UGP2: variants seen among roughly 807,000 people sequenced by gnomAD.
UGP2 encodes the protein UDP-glucose pyrophosphorylase 2, also known as UTP--glucose-1-phosphate uridylyltransferase.
Under a neutral mutation model 49.0 loss-of-function variants are expected in UGP2, and 40 were observed. The ratio of observed to expected loss-of-function variants is 0.82; its 90% CI spans 0.63 to 1.06. The LOEUF is 1.06. Ranked by LOEUF, UGP2 falls within the 50% of genes least tolerant of loss-of-function variation. The probability of loss-of-function intolerance (pLI) is 0.00; values close to 1 mark genes in which losing one functional copy is unlikely to be tolerated. For missense variants in UGP2, 460 were observed against 603.5 expected, an observed-to-expected ratio of 0.76 and a Z score of 2.49; for synonymous variants, 225 against 213.0, an observed-to-expected ratio of 1.06 and a Z score of -0.49.
intron 3 of UGP2, among the ~76,000 whole-genome samples, chr2:63,863,830 C>T (rs1670006904): frequency 6.6e-6 from 1 of 152,086 alleles, no homozygotes. Context: ...TGAGAAGAAA[C>T]TTGGATGTGC....
chr2:63,845,363 A>G (rs1419875072), intron 1 of UGP2, among the ~76,000 whole-genome samples: 1 of 152,350 alleles, frequency 6.6e-6, no homozygotes, highest in African/African-American at 2.4e-5. Flanking sequence ...AGTCAATTTT[A>G]CTTTTCTTTC....
At position 63,884,058 on chromosome 2, in the gene UGP2, T is replaced by G; in HGVS notation, c.540T>G (p.His180Gln). ...DTKKILQKYN[H>Q]CRVKIYTFNQ... ...AAAAAATACTACAGAAGTACAATCATTGTCGTGTGAAAATCTACACTTTCA... is the reference window on the plus strand; with the variant it reads ...AAAAAATACTACAGAAGTACAATCAGTGTCGTGTGAAAATCTACACTTTCA... The change falls in exon 5 of 10, where the codon CAT (histidine) becomes CAG (glutamine). Residue 180 changes from histidine to glutamine, a missense_variant. Around this residue, in one of 2 missense-constraint regions of UGP2, gnomAD observed 317 missense variants for 473.0 expected, o/e 0.67. Coordinates refer to ENST00000337130, the MANE Select transcript of UGP2 (RefSeq NM_006759.4). 6.2e-7 allele frequency: 1 copy of G among 1,612,934 alleles called. No homozygotes were observed. The highest frequency in any genetic ancestry group is 8.5e-7 in the Non-Finnish European group (1 of 1,179,772).
At chr2:63,856,909 A>G (rs114144950) in intron 2 of UGP2, 359 of 433,910 alleles carry the variant, frequency 8.3e-4, no homozygotes, top group African/African-American at 7.0e-3. Flanking sequence ...TTATATTTCA[A>G]TTTATACTTA....
At chr2:63,861,270 G>C (rs958862448) in intron 3 of UGP2, among the ~76,000 whole-genome samples, 2 of 151,568 alleles carry the variant, frequency 1.3e-5, no homozygotes, top group Admixed American at 1.3e-4. Context: ...GGTTATGAGA[G>C]TGTCTTGGTC....
chr2:63,890,117 G>A lies in UGP2; in HGVS notation c.1351G>A (p.Asp451Asn), dbSNP rs1671986917. ...TCTAAGAAGATTTGAAAGTATACCA[G>A]ATATGCTTGAATTGGATCACCTCAC... Reference protein sequence around the residue: ...DYLRRFESIPDMLELDHLTVS... With the variant: ...DYLRRFESIPNMLELDHLTVS... Residue 451 changes from aspartate to asparagine, a missense_variant, in exon 9 of 10, where the codon GAT (aspartate) becomes AAT (asparagine). Asp to Asn is a conservative substitution (Grantham distance 23). Coordinates refer to ENST00000337130, the MANE Select transcript of UGP2 (RefSeq NM_006759.4). The A allele has an allele frequency of 6.2e-7, 1 of 1,611,932 alleles. No individual in the cohort carries two copies.
intron 1 of UGP2, 183 bp downstream of exon 1, chr2:63,842,387 A>T: frequency 4.4e-6 from 7 of 1,597,302 alleles, no homozygotes; most frequent in Non-Finnish European, 5.9e-6. Flanking sequence ...AGACGCGTAT[A>T]ATTTATGCTC....
intron 3 of UGP2, among the ~76,000 whole-genome samples, chr2:63,858,774 A>C (rs1243016564): frequency 6.6e-6 from 1 of 152,024 alleles, no homozygotes; most frequent in African/African-American, 2.4e-5. Flanking sequence ...TCTTCTGGAT[A>C]GGTATGTTGT....
intron 3 of UGP2, among the ~76,000 whole-genome samples, chr2:63,866,085 TAAGA>T (rs757279729): frequency 7.9e-4 from 121 of 152,330 alleles, no homozygotes; most frequent in Admixed American, 1.8e-3. Context: ...GTGTGACAAC[TAAGA>T]AAGACTGGGA....
intron 1 of UGP2, among the ~76,000 whole-genome samples, chr2:63,849,767 G>C (rs1013941404): frequency 9.2e-5 from 14 of 152,170 alleles, no homozygotes; most frequent in African/African-American, 3.1e-4. Flanking sequence ...CAGGCAACAG[G>C]GTTTGAGTTC....
At chr2:63,858,642 A>T (rs960046779) in intron 3 of UGP2, among the ~76,000 whole-genome samples, 34 of 150,694 alleles carry the variant, frequency 2.3e-4, no homozygotes, top group African/African-American at 8.3e-4. Context: ...TACAATATGC[A>T]TTTTTTTTTA....
chr2:63,848,916 C>T (rs1245891858), intron 1 of UGP2, among the ~76,000 whole-genome samples: 1 of 152,222 alleles, frequency 6.6e-6, no homozygotes, highest in Non-Finnish European at 1.5e-5. Context: ...CCTCTGCCAA[C>T]AGTTCCGTTG....
At position 63,842,159 on chromosome 2, in the gene UGP2, G is replaced by T; in HGVS notation, c.-27G>T. ...ACTCCTCTAGAAAAAAAAAAAAAAA[G>T]CCGGAGTATTTTACTAAGCCCCTAA... On this transcript the variant is annotated 5_prime_UTR_variant, in exon 1 of 10. Transcript: ENST00000337130. 6.4e-7 allele frequency: 1 copy of T among 1,558,520 alleles called. No individual in the cohort carries two copies.
At chr2:63,889,606 T>G (rs1247197298) in intron 8 of UGP2, 1 of 152,950 alleles carries the variant, frequency 6.5e-6, no homozygotes, top group Non-Finnish European at 1.5e-5. Context: ...CTCTAGTGCT[T>G]GTAAATCTAA....
chr2:63,862,564 C>T (rs1348587283), intron 3 of UGP2, among the ~76,000 whole-genome samples: 1 of 152,028 alleles, frequency 6.6e-6, no homozygotes, highest in Non-Finnish European at 1.5e-5. Flanking sequence ...ATAGCAATAG[C>T]AAATACATGG....
chr2:63,883,939 A>G (rs1235683153), intron 4 of UGP2, 21 bp from the exon 5 acceptor site: 2 of 1,590,380 alleles, frequency 1.3e-6, no homozygotes, highest in Non-Finnish European at 1.7e-6. Flanking sequence ...TGGGTAATCT[A>G]ATTGTCATTT....
intron 1 of UGP2, among the ~76,000 whole-genome samples, chr2:63,853,413 A>G (rs1024899842): frequency 3.3e-5 from 5 of 152,014 alleles, no homozygotes; most frequent in Non-Finnish European, 7.4e-5. Context: ...AGTTGCCATT[A>G]AATTCTTGGA....
chr2:63,872,593 T>C (rs1670629693), intron 3 of UGP2, among the ~76,000 whole-genome samples: 1 of 152,174 alleles, frequency 6.6e-6, no homozygotes, highest in East Asian at 1.9e-4. Context: ...GCCTGTGTTC[T>C]CTCTCACTTA....
At chr2:63,887,849 G>T in intron 8 of UGP2, 1 of 675,616 alleles carries the variant, frequency 1.5e-6, no homozygotes, top group Non-Finnish European at 2.3e-6. Flanking sequence ...ATGGAGAGTA[G>T]AAAATAATCT....
chr2:63,891,391 A>AGAT lies in UGP2; in HGVS notation c.*166_*168dup. ...TATGCTTTTAGTCTAAGAAAAGCAC[A>AGAT]GATGGAGCAATACTTTCCTTCTTTG... On this transcript the variant is annotated 3_prime_UTR_variant, in exon 10 of 10. Coordinates refer to ENST00000337130, the MANE Select transcript of UGP2 (RefSeq NM_006759.4). 2.1e-6 allele frequency: 1 copy of AGAT among 474,728 alleles called. No homozygotes were observed. The highest frequency in any genetic ancestry group is 3.6e-6 in the Non-Finnish European group (1 of 274,954). The allele number at this position is 474,728 out of a possible 1,614,324, so 29.4% of individuals were successfully genotyped here.
Sources: allele counts gnomAD v4.1 joint callset (sites outside exome capture counted in the v4.1 genomes callset), GRCh38; gene constraint gnomAD v4.1.1; regional missense constraint gnomAD v4.1.1; transcripts MANE v1.5; gene names NCBI Gene and HGNC (gene_info 2026-07-23, HGNC 2026-07-21).